STK38L: variants seen among roughly 807,000 people sequenced by gnomAD.
STK38L encodes the protein serine/threonine kinase 38 like.
A neutral mutation model predicts 59.7 loss-of-function variants in STK38L; 28 were observed. That is an observed-to-expected ratio of 0.47 (90% CI 0.35 to 0.64). The LOEUF is 0.64. Ranked by LOEUF, STK38L falls within the 30% of genes least tolerant of loss-of-function variation. The pLI is 0.01. For missense variants in STK38L, 314 were observed against 555.8 expected (o/e 0.56, Z 4.37); for synonymous variants, 162 against 176.8 (o/e 0.92, Z 0.66).
Position 27,322,165 on chromosome 12 carries a change from A to T in STK38L, c.1198A>T (p.Ile400Leu), listed in dbSNP as rs1199775474. 1 of 1,613,804 alleles carries T rather than the reference A, an allele frequency of 6.2e-7. No homozygotes were observed. The highest frequency in any genetic ancestry group is 8.5e-7 in the Non-Finnish European group (1 of 1,179,902). ...HIRERPAAIP[I>L]EIKSIDDTSN... ...TAGGGAAAGGCCAGCAGCAATCCCT[A>T]TAGAAATCAAAAGCATTGATGATAC... The change falls in exon 13 of 14, where the codon ATA (isoleucine) becomes TTA (leucine). Residue 400 changes from isoleucine (I) to leucine (L), a missense_variant. Coordinates refer to ENST00000389032, the MANE Select transcript of STK38L (RefSeq NM_015000.4).
chr12:27,265,484 A>G (rs1024291064), intron 1 of STK38L, among the ~76,000 whole-genome samples: 17 of 152,300 alleles, frequency 1.1e-4, no homozygotes, highest in African/African-American at 3.8e-4. Flanking sequence ...AATATATTGT[A>G]ATAAACTTCT....
chr12:27,314,421 TA>T (rs1192391557), intron 6 of STK38L, 82 bp from the exon 7 acceptor site: 21 of 991,000 alleles, frequency 2.1e-5, no homozygotes, highest in Non-Finnish European at 2.1e-5. Context: ...AAAAAAAAAG[TA>T]AAAAAAGCAG....
intron 7 of STK38L, 41 bp downstream of exon 7, chr12:27,314,699 T>C (rs1352639152): frequency 6.5e-7 from 1 of 1,547,068 alleles, no homozygotes; most frequent in East Asian, 2.3e-5. Flanking sequence ...TGTTGATTAT[T>C]TTTTAGAGCA....
intron 1 of STK38L, among the ~76,000 whole-genome samples, chr12:27,291,042 A>G (rs905459204): frequency 6.6e-6 from 1 of 152,136 alleles, no homozygotes. Context: ...CCGAAGTGCA[A>G]ATCAGATAGG....
intron 1 of STK38L, among the ~76,000 whole-genome samples, chr12:27,296,631 A>G (rs1465757399): frequency 6.6e-6 from 1 of 152,288 alleles, no homozygotes; most frequent in African/African-American, 2.4e-5. Flanking sequence ...TCAACTAAGA[A>G]TGCTTTGGAT....
At chr12:27,312,275 T>TCC (rs1944474025) in intron 5 of STK38L, among the ~76,000 whole-genome samples, 1 of 152,222 alleles carries the variant, frequency 6.6e-6, no homozygotes, top group Non-Finnish European at 1.5e-5. Flanking sequence ...GGTTAAAAAG[T>TCC]TGTTAGACTG....
chr12:27,254,763 G>T (rs1943053836), intron 1 of STK38L, among the ~76,000 whole-genome samples: 1 of 152,090 alleles, frequency 6.6e-6, no homozygotes, highest in Non-Finnish European at 1.5e-5. Flanking sequence ...ACAGAAGGAG[G>T]AAAAGCGGGC....
intron 1 of STK38L, among the ~76,000 whole-genome samples, chr12:27,261,373 G>C (rs1943200992): frequency 6.6e-6 from 1 of 152,150 alleles, no homozygotes; most frequent in African/African-American, 2.4e-5. Flanking sequence ...TCAAATCTCA[G>C]TGATGCTTAA....
At chr12:27,313,250 A>C in intron 6 of STK38L, among the ~76,000 whole-genome samples, 1 of 40,202 alleles carries the variant, frequency 2.5e-5, no homozygotes, top group South Asian at 6.2e-4. Flanking sequence ...CTACGTCTCA[A>C]AAAAAAAAAA....
chr12:27,255,117 A>G (rs1261954038), intron 1 of STK38L, among the ~76,000 whole-genome samples: 1 of 152,246 alleles, frequency 6.6e-6, no homozygotes, highest in East Asian at 1.9e-4. Context: ...ATGTAGTTAA[A>G]GCTTTAAGAT....
Position 27,318,916 on chromosome 12 carries a change from G to A in STK38L, c.1080-412G>A, listed in dbSNP as rs1247109577. On this transcript the variant is annotated intron_variant, in intron 11 of 13. Coordinates refer to ENST00000389032, the MANE Select transcript of STK38L (RefSeq NM_015000.4). ...TGAGGCAGGAGAATGACATGAACCC[G>A]GGAGGTGGAGCTTGCAGTGAGCTGA... Among the ~76,000 whole-genome samples the A allele has an allele frequency of 4.6e-5, 7 of 152,150 alleles. No homozygotes were observed. In the East Asian group the frequency reaches 7.7e-4, roughly 17 times the overall value.
intron 1 of STK38L, among the ~76,000 whole-genome samples, chr12:27,273,735 A>C (rs538682740): frequency 1.3e-5 from 2 of 152,346 alleles, no homozygotes; most frequent in African/African-American, 4.8e-5. Context: ...GGTAATGGTT[A>C]AAAGATAGGC....
chr12:27,301,237 C>A (rs1944161997), intron 2 of STK38L, among the ~76,000 whole-genome samples: 1 of 152,118 alleles, frequency 6.6e-6, no homozygotes, highest in African/African-American at 2.4e-5. Flanking sequence ...AGCAAATGTT[C>A]TGGTAGCTAG....
intron 1 of STK38L, among the ~76,000 whole-genome samples, chr12:27,247,814 ATTTTTTT>A (rs11448972): frequency 3.2e-5 from 4 of 126,598 alleles, no homozygotes; most frequent in Admixed American, 8.0e-5. Flanking sequence ...TTGTTCTGTA[ATTTTTTT>A]TTTTTTTTTT....
chr12:27,244,755 G>T (rs558776406), intron 1 of STK38L, among the ~76,000 whole-genome samples: 1 of 152,194 alleles, frequency 6.6e-6, no homozygotes, highest in Non-Finnish European at 1.5e-5. Flanking sequence ...CTCTTCAATT[G>T]TGGGGGCTGT....
rs1012689810 is a variant in STK38L, at chr12:27,323,402, T to C, written c.*947T>C. Reference sequence around the variant, plus strand: ...AACTTCTATCATGTAAATGGACTTATAGAGAACAAAAAGCTATTTACTTTG... The same window carrying C: ...AACTTCTATCATGTAAATGGACTTACAGAGAACAAAAAGCTATTTACTTTG... On this transcript the variant is annotated 3_prime_UTR_variant, in exon 14 of 14. Coordinates refer to ENST00000389032, the MANE Select transcript of STK38L (RefSeq NM_015000.4). 4.6e-5 allele frequency: 7 copies of C among 152,622 alleles called. No individual in the cohort carries two copies. The highest frequency in any genetic ancestry group is 1.9e-4 in the East Asian group (1 of 5,208). The allele number at this position is 152,622 out of a possible 1,614,324, so 9.5% of individuals were successfully genotyped here.
At chr12:27,307,219 G>A (rs1944338970) in intron 3 of STK38L, among the ~76,000 whole-genome samples, 1 of 151,998 alleles carries the variant, frequency 6.6e-6, no homozygotes, top group African/African-American at 2.4e-5. Context: ...CTTCATTACT[G>A]TCATAATTTA....
rs1944819090 is a variant in STK38L at position 27,325,461 on chromosome 12, A to AG, written c.*3007dup. On this transcript the variant is annotated 3_prime_UTR_variant, in exon 14 of 14. Coordinates refer to ENST00000389032, the MANE Select transcript of STK38L (RefSeq NM_015000.4). ...GTCAGTCTTTACTGACAGGAGCAGC[A>AG]GCTATCTGTCTTTTGCTGATCTACA... The AG allele has an allele frequency of 6.6e-6, 1 of 152,206 alleles. No homozygotes were observed. Among genetic ancestry groups the AG allele is most frequent in the Admixed American group, 6.5e-5 (1 of 15,288 alleles). The allele number at this position is 152,206 out of a possible 1,614,324, so 9.4% of individuals were successfully genotyped here.
At chr12:27,309,609 G>GTGAGAACTCCTGT (rs2136646048) in intron 5 of STK38L, among the ~76,000 whole-genome samples, 1 of 152,096 alleles carries the variant, frequency 6.6e-6, no homozygotes, top group African/African-American at 2.4e-5. Context: ...AGAACTCTCT[G>GTGAGAACTCCTGT]GTGTCTCTTC....
Sources: allele counts gnomAD v4.1 joint callset (sites outside exome capture counted in the v4.1 genomes callset), GRCh38; gene constraint gnomAD v4.1.1; transcripts MANE v1.5; gene names NCBI Gene and HGNC (gene_info 2026-07-23, HGNC 2026-07-21).